Variants in BCAS3 observed in about 807,000 individuals in gnomAD.
BCAS3 encodes the protein BCAS4/BCAS3 fusion.
A neutral mutation model predicts 116.1 loss-of-function variants in BCAS3; 53 were observed. That is an observed-to-expected ratio of 0.46 (90% CI 0.37 to 0.57). BCAS3 has a LOEUF of 0.57. Among genes scored for constraint, BCAS3 ranks in the 20% least tolerant of loss-of-function variants. The pLI is 0.00. For missense variants in BCAS3, 917 were observed against 1,165.4 expected, an observed-to-expected ratio of 0.79 and a Z score of 3.10; for synonymous variants, 391 against 408.2, an observed-to-expected ratio of 0.96 and a Z score of 0.51.
chr17:60,766,138 C>T (rs1193460767), intron 6 of BCAS3, among the ~76,000 whole-genome samples: 2 of 152,132 alleles, frequency 1.3e-5, no homozygotes, highest in Non-Finnish European at 2.9e-5. Context: ...GAACATCCTC[C>T]TTTAGCTTGG....
rs1034378034 is a variant in BCAS3, at chr17:60,694,021, G to A, written c.214+4260G>A. On this transcript the variant is annotated intron_variant, in intron 4 of 23. Transcript: ENST00000407086. The stretch of plus-strand genomic sequence containing the variant: ...CTGCCTCAGCCTCTCGAGTAGCTGG[G>A]ACTACAGGCACCTGCCACCATGCCC... 1.1e-4 allele frequency among the ~76,000 whole-genome samples: 16 copies of A among 150,358 alleles called. 1 individual carries two copies. The highest frequency in any genetic ancestry group is 3.9e-4 in the African/African-American group (16 of 40,584).
intron 22 of BCAS3, among the ~76,000 whole-genome samples, chr17:61,260,630 T>C (rs1325339730): frequency 6.6e-6 from 1 of 152,220 alleles, no homozygotes; most frequent in Non-Finnish European, 1.5e-5. Context: ...AGATGCTGGC[T>C]GGACGTCAGT....
intron 22 of BCAS3, among the ~76,000 whole-genome samples, chr17:61,158,214 G>A (rs1370923922): frequency 6.6e-6 from 1 of 152,044 alleles, no homozygotes; most frequent in Non-Finnish European, 1.5e-5. Context: ...TTGTTGTCTT[G>A]CAAACATCTG....
At chr17:60,702,118 C>A (rs1396147071) in intron 4 of BCAS3, among the ~76,000 whole-genome samples, 1 of 152,058 alleles carries the variant, frequency 6.6e-6, no homozygotes, top group Non-Finnish European at 1.5e-5. Flanking sequence ...GTACATGGTG[C>A]CATCTGTAAT....
chr17:60,855,883 T>C (rs1266759175), intron 7 of BCAS3, among the ~76,000 whole-genome samples: 1 of 152,106 alleles, frequency 6.6e-6, no homozygotes, highest in African/African-American at 2.4e-5. Flanking sequence ...GGTTTCACCA[T>C]GTTGTCAAGG....
chr17:60,766,522 A>G (rs8072414), intron 6 of BCAS3, among the ~76,000 whole-genome samples: 41,717 of 152,128 alleles, frequency 0.27, 11,439 homozygotes, highest in African/African-American at 0.71. Flanking sequence ...CACCAGCAGC[A>G]GCTGCAGAAC....
Position 61,032,917 on chromosome 17 carries a change from G to A in BCAS3, c.1638-1749G>A, listed in dbSNP as rs2066750220. Among the ~76,000 whole-genome samples the A allele has an allele frequency of 6.6e-6, 1 of 152,132 alleles. No homozygotes were observed. The highest frequency in any genetic ancestry group is 6.6e-5 in the Admixed American group (1 of 15,266). ...CATATATAGTAATATGCATTACCATGGATTTTGTTCAAAGTGGGGAGACCA... is the reference window on the plus strand; with the variant it reads ...CATATATAGTAATATGCATTACCATAGATTTTGTTCAAAGTGGGGAGACCA... On this transcript the variant is annotated intron_variant, in intron 16 of 23. Coordinates refer to ENST00000407086, the MANE Select transcript of BCAS3 (RefSeq NM_017679.5). This position sits in a 1 kb window ranked among gnomAD's most constrained non-coding sequence, Gnocchi z 4.6.
chr17:60,799,610 C>A (rs1249405716), intron 6 of BCAS3, among the ~76,000 whole-genome samples: 3 of 145,944 alleles, frequency 2.1e-5, no homozygotes, highest in Admixed American at 6.9e-5. Context: ...CTCCCTGCAG[C>A]CTCTGCCTCC....
intron 5 of BCAS3, among the ~76,000 whole-genome samples, chr17:60,735,834 C>T (rs1280700747): frequency 4.0e-5 from 6 of 148,714 alleles, no homozygotes; most frequent in Non-Finnish European, 8.8e-5. Flanking sequence ...TCTTTTTTTT[C>T]ATAAATAGGT....
chr17:60,818,314 G>T (rs78634229), intron 7 of BCAS3, among the ~76,000 whole-genome samples: 2,619 of 152,302 alleles, frequency 0.017, 70 homozygotes, highest in East Asian at 0.091. Context: ...GAAGTTCATG[G>T]AGTGGTATGT....
At position 61,084,339 on chromosome 17, in the gene BCAS3, T is replaced by C; in HGVS notation, c.2328-128T>C. 1.5e-6 allele frequency: 1 copy of C among 685,326 alleles called. No individual in the cohort carries two copies. Among genetic ancestry groups the C allele is most frequent in the South Asian group, 2.1e-5 (1 of 48,656 alleles). 42.5% of individuals were successfully genotyped at this position (685,326 alleles called of 1,614,324 possible). On this transcript the variant is annotated intron_variant, in intron 21 of 23. Transcript: ENST00000407086. This position sits in a 1 kb window ranked among gnomAD's most constrained non-coding sequence, Gnocchi z 5.5. ...TTAGGGACTGCAGCTCCCCTGTTTGTCTTGTTTTAGAATGGATGGTTCTTT... is the reference window on the plus strand; with the variant it reads ...TTAGGGACTGCAGCTCCCCTGTTTGCCTTGTTTTAGAATGGATGGTTCTTT...
At chr17:61,050,790 G>A (rs910289379) in intron 19 of BCAS3, among the ~76,000 whole-genome samples, 2 of 151,984 alleles carry the variant, frequency 1.3e-5, no homozygotes, top group African/African-American at 4.8e-5. Context: ...ATTAATATCA[G>A]ACTAAGTAGG....
intron 22 of BCAS3, among the ~76,000 whole-genome samples, chr17:61,289,407 T>A (rs543734867): frequency 1.3e-5 from 2 of 152,344 alleles, no homozygotes; most frequent in East Asian, 3.9e-4. Flanking sequence ...CCACGTACAT[T>A]ACTGCCATGT....
chr17:60,729,778 CTT>C (rs2040276186), intron 5 of BCAS3, among the ~76,000 whole-genome samples: 1 of 152,264 alleles, frequency 6.6e-6, no homozygotes, highest in Non-Finnish European at 1.5e-5. Flanking sequence ...TGCTTTCTCT[CTT>C]CACTTTTCAA....
In BCAS3 at chr17:61,078,408, C is replaced by T; in HGVS notation, c.2206C>T (p.Pro736Ser). ...ACAGTTCCAGTTCAAAACCATCCATCCCTCAGGCCAAACCACAGTTATCTC... is the reference window on the plus strand; with the variant it reads ...ACAGTTCCAGTTCAAAACCATCCATTCCTCAGGCCAAACCACAGTTATCTC... ...GPQFQFKTIH[P>S]SGQTTVISSS... is the part of the protein sequence containing the mutation. Residue 736 changes from proline (P) to serine (S), a missense_variant, in exon 21 of 24, where the codon CCC becomes TCC. Physicochemically the swap from Pro to Ser is moderately conservative, Grantham distance 74. Transcript: ENST00000407086. 1 of 1,614,164 alleles carries T rather than the reference C, an allele frequency of 6.2e-7. No individual in the cohort carries two copies. Among genetic ancestry groups the T allele is most frequent in the Non-Finnish European group, 8.5e-7 (1 of 1,180,022 alleles).
intron 23 of BCAS3, among the ~76,000 whole-genome samples, chr17:61,370,005 C>A (rs1603116616): frequency 6.6e-6 from 1 of 152,182 alleles, no homozygotes; most frequent in South Asian, 2.1e-4. Context: ...TCTCCCACCG[C>A]CTTCTCAGGA....
chr17:60,892,027 T>G (rs897379481), intron 10 of BCAS3, among the ~76,000 whole-genome samples: 4 of 152,240 alleles, frequency 2.6e-5, no homozygotes, highest in Non-Finnish European at 5.9e-5. Context: ...TATAACCATA[T>G]TTTCTTTATT....
At chr17:60,932,289 G>GAGTA (rs2145189854) in intron 13 of BCAS3, among the ~76,000 whole-genome samples, 1 of 152,190 alleles carries the variant, frequency 6.6e-6, no homozygotes, top group South Asian at 2.1e-4. Flanking sequence ...ACTTGATACT[G>GAGTA]AGTAAGTGTA....
At chr17:60,959,263 C>A (rs1203006834) in intron 14 of BCAS3, among the ~76,000 whole-genome samples, 1 of 151,942 alleles carries the variant, frequency 6.6e-6, no homozygotes, top group Non-Finnish European at 1.5e-5. Context: ...GTCATGATCA[C>A]ACCACTGCAC....
Sources: gnomAD v4.1 joint callset for allele counts (sites outside exome capture counted in the v4.1 genomes callset) on GRCh38, gnomAD v4.1.1 for gene constraint, Gnocchi (gnomAD v3.1) non-coding constraint, MANE v1.5 for transcripts, NCBI Gene and HGNC (gene_info 2026-07-23, HGNC 2026-07-21) for gene names.